Variants in KANK4 observed in about 807,000 individuals in gnomAD.
KANK4 encodes the protein KN motif and ankyrin repeat domains 4, also known as KN motif and ankyrin repeat domain-containing protein 4.
In KANK4, 50 loss-of-function variants were observed where a neutral mutation model predicts 80.8. That is an observed-to-expected ratio of 0.62 (90% CI 0.49 to 0.78). KANK4 has a LOEUF of 0.78. Ranked by LOEUF, KANK4 falls within the 30% of genes least tolerant of loss-of-function variation. KANK4 has a pLI of 0.00. For missense variants in KANK4, 1,196 were observed against 1,240.1 expected (o/e 0.96, Z 0.53); for synonymous variants, 465 against 506.9 (o/e 0.92, Z 1.11).
intron 2 of KANK4, among the ~76,000 whole-genome samples, chr1:62,277,064 G>A (rs1672331615): frequency 6.6e-6 from 1 of 152,190 alleles, no homozygotes; most frequent in African/African-American, 2.4e-5. Flanking sequence ...TATGTGCTAA[G>A]CTAGACCCTA....
chr1:62,271,614 T>G, intron 3 of KANK4, 25 bp from the exon 4 acceptor site: 429 of 1,532,702 alleles, frequency 2.8e-4, no homozygotes, highest in Non-Finnish European at 3.6e-4. Flanking sequence ...CATCACAGGT[T>G]AGAATGATCT....
chr1:62,284,658 C>A (rs890293769), intron 1 of KANK4, among the ~76,000 whole-genome samples: 3 of 152,180 alleles, frequency 2.0e-5, no homozygotes, highest in African/African-American at 7.2e-5. Flanking sequence ...GTTGTATCCC[C>A]ACTGTTCAGA....
intron 7 of KANK4, among the ~76,000 whole-genome samples, chr1:62,259,596 T>G (rs1438404863): frequency 1.3e-5 from 2 of 152,106 alleles, no homozygotes; most frequent in Admixed American, 1.3e-4. Context: ...CTTTAAACCC[T>G]GGTAGCACAC....
At chr1:62,308,774 G>T (rs925890669) in intron 1 of KANK4, among the ~76,000 whole-genome samples, 7 of 152,180 alleles carry the variant, frequency 4.6e-5, no homozygotes, top group Non-Finnish European at 8.8e-5. Flanking sequence ...CAGAGAACTT[G>T]CCTAGAAGGC....
intron 1 of KANK4, among the ~76,000 whole-genome samples, chr1:62,296,332 G>A (rs1396701008): frequency 6.6e-6 from 1 of 152,002 alleles, no homozygotes; most frequent in Non-Finnish European, 1.5e-5. Context: ...CCCGCCTCTG[G>A]CATCTACTCA....
At chr1:62,253,258 C>T (rs765027048) in intron 7 of KANK4, 49 bp from the exon 8 acceptor site, 1 of 1,553,300 alleles carries the variant, frequency 6.4e-7, no homozygotes, top group South Asian at 1.2e-5. Flanking sequence ...GGGCCAGGAG[C>T]CAGACTCCAC....
At chr1:62,311,586 C>T (rs1462330969) in intron 1 of KANK4, among the ~76,000 whole-genome samples, 1 of 152,130 alleles carries the variant, frequency 6.6e-6, no homozygotes, top group Non-Finnish European at 1.5e-5. Flanking sequence ...CATCTCCTTC[C>T]TAGGATTCTA....
intron 1 of KANK4, among the ~76,000 whole-genome samples, chr1:62,293,486 A>T (rs1282963092): frequency 6.6e-6 from 1 of 152,184 alleles, no homozygotes; most frequent in Non-Finnish European, 1.5e-5. Context: ...TGCATCTCAA[A>T]TATGTGTATT....
At chr1:62,317,080 A>G (rs1644548128) in intron 1 of KANK4, among the ~76,000 whole-genome samples, 1 of 152,238 alleles carries the variant, frequency 6.6e-6, no homozygotes, top group African/African-American at 2.4e-5. Flanking sequence ...CACTTGAAGC[A>G]TAATTGTGCT....
At position 62,296,092 on chromosome 1, in the gene KANK4, G is replaced by C. The variant is rs2765269; in HGVS notation, c.-70-14458C>G. Among the ~76,000 whole-genome samples, 14 of 152,226 alleles carry C rather than the reference G, an allele frequency of 9.2e-5. 1 individual carries two copies. The East Asian group carries it at 2.1e-3, about 23-fold the overall frequency. On this transcript the variant is annotated intron_variant, in intron 1 of 9. Coordinates refer to ENST00000371153, the MANE Select transcript of KANK4 (RefSeq NM_181712.5). The stretch of plus-strand genomic sequence containing the variant: ...TGTGTTCAAAGAATCAGCAGTTAAG[G>C]AGAAAAAAGTTAATTGGAAGCAATC...
chr1:62,247,496 G>A lies in KANK4; in HGVS notation c.2859C>T (p.Ala953=), dbSNP rs1671495012. The A allele has an allele frequency of 6.2e-7, 1 of 1,613,878 alleles. No homozygotes were observed. Among genetic ancestry groups the A allele is most frequent in the Admixed American group, 1.7e-5 (1 of 60,004 alleles). Residue 953 remains alanine, a synonymous_variant, in exon 9 of 10, where the codon GCC becomes GCT. Transcript: ENST00000371153. ...DLVRLLLAHP[A]CDSSLTDKAG... is the part of the protein sequence containing the mutation. ...CCTTGTCAGTCAGGCTGCTGTCGCA[G>A]GCTGGGTGTGCCAGGAGCAGCCGCA...
chr1:62,299,346 G>A (rs1295882721), intron 1 of KANK4, among the ~76,000 whole-genome samples: 1 of 152,158 alleles, frequency 6.6e-6, no homozygotes, highest in Non-Finnish European at 1.5e-5. Flanking sequence ...AGGCATGAGT[G>A]ACACACCCAG....
chr1:62,312,172 T>A (rs1301251010), intron 1 of KANK4, among the ~76,000 whole-genome samples: 1 of 152,220 alleles, frequency 6.6e-6, no homozygotes, highest in Non-Finnish European at 1.5e-5. Context: ...TATATTCTTC[T>A]TTATTAATGC....
chr1:62,313,708 G>A (rs1357140666), intron 1 of KANK4, among the ~76,000 whole-genome samples: 1 of 152,066 alleles, frequency 6.6e-6, no homozygotes, highest in African/African-American at 2.4e-5. Flanking sequence ...TGAGGGTGAG[G>A]GGCAAGGGGA....
At chr1:62,250,551 G>T (rs1671590100) in intron 8 of KANK4, among the ~76,000 whole-genome samples, 2 of 152,146 alleles carry the variant, frequency 1.3e-5, no homozygotes, top group Admixed American at 1.3e-4. Context: ...AGGCCCAGGG[G>T]GAGCTAAAGG....
chr1:62,308,658 T>C (rs1644473265), intron 1 of KANK4, among the ~76,000 whole-genome samples: 1 of 152,086 alleles, frequency 6.6e-6, no homozygotes, highest in African/African-American at 2.4e-5. Flanking sequence ...GATCAGAGGG[T>C]TAAGGAAAAC....
intron 4 of KANK4, among the ~76,000 whole-genome samples, chr1:62,269,733 T>C (rs1672113554): frequency 6.6e-6 from 1 of 151,708 alleles, no homozygotes; most frequent in Non-Finnish European, 1.5e-5. Flanking sequence ...AGTCAGAAAA[T>C]GAACATGTAA....
At chr1:62,277,414 G>C (rs1672338064) in intron 2 of KANK4, among the ~76,000 whole-genome samples, 1 of 152,136 alleles carries the variant, frequency 6.6e-6, no homozygotes, top group African/African-American at 2.4e-5. Flanking sequence ...TACCCCCTTT[G>C]GACAAGCAAG....
chr1:62,318,770 C>T (rs557978600), intron 1 of KANK4, among the ~76,000 whole-genome samples: 1 of 152,212 alleles, frequency 6.6e-6, no homozygotes, highest in African/African-American at 2.4e-5. Context: ...ACGGCCTCCC[C>T]CTCCTCACCA....
Sources: allele counts gnomAD v4.1 joint callset (sites outside exome capture counted in the v4.1 genomes callset), GRCh38; gene constraint gnomAD v4.1.1; transcripts MANE v1.5; gene names NCBI Gene and HGNC (gene_info 2026-07-23, HGNC 2026-07-21).